Variants in KHDRBS2 observed in about 807,000 individuals in gnomAD.
KHDRBS2 encodes the protein KH domain-containing, RNA-binding, signal transduction-associated protein 2.
In KHDRBS2, 26 loss-of-function variants were observed where a neutral mutation model predicts 44.3. The observed-to-expected ratio is 0.59, with a 90% CI of 0.43 to 0.81. KHDRBS2 has a LOEUF of 0.81. KHDRBS2 is among the 40% of genes least tolerant of loss of function. KHDRBS2 has a pLI of 0.00. For missense variants in KHDRBS2, 476 were observed against 433.1 expected (o/e 1.10, Z -0.88); for synonymous variants, 194 against 151.1 (o/e 1.28, Z -2.08).
At chr6:62,091,285 T>A (rs931685167) in intron 2 of KHDRBS2, among the ~76,000 whole-genome samples, 3 of 53,044 alleles carry the variant, frequency 5.7e-5, no homozygotes, top group Non-Finnish European at 1.0e-4. Flanking sequence ...ACAGTATTTT[T>A]TATTTTTCAT....
chr6:61,575,507 G>A, the KHDRBS2 span, among the ~76,000 whole-genome samples: 3 of 152,184 alleles, frequency 2.0e-5, no homozygotes, highest in Non-Finnish European at 4.4e-5. Context: ...CACTGCTGGT[G>A]AGAATGTACA....
At chr6:61,821,697 C>T (rs1789939168) in intron 6 of KHDRBS2, among the ~76,000 whole-genome samples, 2 of 151,818 alleles carry the variant, frequency 1.3e-5, no homozygotes, top group Non-Finnish European at 2.9e-5. Context: ...TTTTTTTCCA[C>T]TTATAAGCCT....
chr6:61,608,592 C>T, the KHDRBS2 span, among the ~76,000 whole-genome samples: 3 of 151,682 alleles, frequency 2.0e-5, no homozygotes, highest in Non-Finnish European at 4.4e-5. Context: ...TCCCCTTATC[C>T]CCCACCCCCC....
chr6:61,587,246 T>A, the KHDRBS2 span, among the ~76,000 whole-genome samples: 1 of 152,170 alleles, frequency 6.6e-6, no homozygotes, highest in African/African-American at 2.4e-5. Context: ...CCAATTCAAA[T>A]ATACTAGCAT....
At chr6:62,134,948 T>C (rs1229491012) in intron 2 of KHDRBS2, among the ~76,000 whole-genome samples, 2 of 152,214 alleles carry the variant, frequency 1.3e-5, no homozygotes, top group East Asian at 3.9e-4. Flanking sequence ...GGACTTGCCT[T>C]GTCTCAGATG....
At chr6:61,782,810 G>T (rs1313132985) in intron 6 of KHDRBS2, among the ~76,000 whole-genome samples, 1 of 150,130 alleles carries the variant, frequency 6.7e-6, no homozygotes, top group Non-Finnish European at 1.5e-5. Context: ...GATCTAGGTT[G>T]AGCATGGCTG....
chr6:62,093,362 A>T (rs1799841977), intron 2 of KHDRBS2, among the ~76,000 whole-genome samples: 1 of 152,064 alleles, frequency 6.6e-6, no homozygotes, highest in Non-Finnish European at 1.5e-5. Flanking sequence ...TATAATGGAC[A>T]CATAATAATT....
At chr6:62,125,138 G>C (rs1204836003) in intron 2 of KHDRBS2, among the ~76,000 whole-genome samples, 1 of 152,142 alleles carries the variant, frequency 6.6e-6, no homozygotes, top group Non-Finnish European at 1.5e-5. Flanking sequence ...GTCTTGAATT[G>C]CCCATGCCAT....
In KHDRBS2 at chr6:61,945,099, AAAAAAAAAAAAAAGTATAT is replaced by A. The variant is rs1368768445; in HGVS notation, c.483+32948_483+32966del. On this transcript the variant is annotated intron_variant, in intron 4 of 8. Transcript: ENST00000281156. ...GAGTGAGACTCTGTCTTAAAAAAAA[AAAAAAAAAAAAAAGTATAT>A]ATATATATATATATATATATATATA... Among the ~76,000 whole-genome samples the A allele has an allele frequency of 7.4e-5, 5 of 67,946 alleles. 1 individual carries two copies. The highest frequency in any genetic ancestry group is 2.9e-4 in the African/African-American group (5 of 17,226). The allele number at this position is 67,946 out of a possible 152,430, so 44.6% of individuals were successfully genotyped here. A position where few individuals can be genotyped will look rare whatever the true frequency, so the allele number is the denominator to read the frequency against.
At chr6:62,096,232 C>T (rs577674675) in intron 2 of KHDRBS2, among the ~76,000 whole-genome samples, 1 of 151,832 alleles carries the variant, frequency 6.6e-6, no homozygotes, top group South Asian at 2.1e-4. Context: ...CTAATAGAAT[C>T]AATTTAGAAG....
intron 2 of KHDRBS2, among the ~76,000 whole-genome samples, chr6:62,164,214 G>A (rs1818219489): frequency 6.6e-6 from 1 of 151,842 alleles, no homozygotes; most frequent in East Asian, 1.9e-4. Flanking sequence ...ACTTACTAAT[G>A]TTATTATTTT....
At chr6:61,848,474 T>TATATATATATATATATATATAC (rs1794754279) in intron 6 of KHDRBS2, among the ~76,000 whole-genome samples, 5 of 50,520 alleles carry the variant, frequency 9.9e-5, no homozygotes, top group Admixed American at 1.8e-4. Context: ...AGGTTTTATA[T>TATATATATATATATATATATAC]ATATATATAT....
At chr6:61,708,339 A>G (rs923819733) in intron 7 of KHDRBS2, among the ~76,000 whole-genome samples, 5 of 151,604 alleles carry the variant, frequency 3.3e-5, no homozygotes, top group Non-Finnish European at 7.4e-5. Flanking sequence ...TGAAAAATTG[A>G]TCATTTTGTG....
At chr6:62,061,613 C>T (rs1437885735) in intron 2 of KHDRBS2, among the ~76,000 whole-genome samples, 1 of 150,682 alleles carries the variant, frequency 6.6e-6, no homozygotes, top group African/African-American at 2.4e-5. Context: ...AACATTTTTT[C>T]CTTCATTTCA....
chr6:61,595,263 T>G, the KHDRBS2 span, among the ~76,000 whole-genome samples: 1 of 152,126 alleles, frequency 6.6e-6, no homozygotes, highest in East Asian at 1.9e-4. Flanking sequence ...AGAAATATCT[T>G]CAGGCCCATG....
At position 62,280,407 on chromosome 6, in the gene KHDRBS2, C is replaced by T. The variant is rs142883852; in HGVS notation, c.91+5451G>A. Among the ~76,000 whole-genome samples the T allele has an allele frequency of 7.5e-3, 1,136 of 152,070 alleles. 10 individuals carry two copies. Among genetic ancestry groups the T allele is most frequent in the Non-Finnish European group, 0.013 (869 of 67,998 alleles). On this transcript the variant is annotated intron_variant, in intron 1 of 8. Coordinates refer to ENST00000281156, the MANE Select transcript of KHDRBS2 (RefSeq NM_152688.4). ...GAAGTAAAACCAGTAGAATATAGTG[C>T]CCAGAAGACAAGGAAGATGGAAAGA...
chr6:62,223,286 G>A (rs1250202834), intron 1 of KHDRBS2, among the ~76,000 whole-genome samples: 3 of 152,242 alleles, frequency 2.0e-5, no homozygotes, highest in African/African-American at 7.2e-5. Context: ...AAGCTATGGT[G>A]CGAGCTCTGC....
chr6:61,770,416 G>A (rs1477250326), intron 6 of KHDRBS2, among the ~76,000 whole-genome samples: 1 of 152,062 alleles, frequency 6.6e-6, no homozygotes, highest in African/African-American at 2.4e-5. Flanking sequence ...CAAACCAACG[G>A]CAAAGAAGTT....
intron 6 of KHDRBS2, among the ~76,000 whole-genome samples, chr6:61,865,941 A>G (rs1312176540): frequency 1.3e-5 from 2 of 152,188 alleles, no homozygotes; most frequent in Non-Finnish European, 2.9e-5. Flanking sequence ...AGCAGCTCCA[A>G]CCCTGTGGCT....
Sources: gnomAD v4.1 joint callset for allele counts (sites outside exome capture counted in the v4.1 genomes callset) on GRCh38, gnomAD v4.1.1 for gene constraint, MANE v1.5 for transcripts, NCBI Gene and HGNC (gene_info 2026-07-23, HGNC 2026-07-21) for gene names.